The following CORO2B variants were observed in gnomAD, a reference collection of about 807,000 sequenced individuals.
CORO2B encodes coronin 2B.
CORO2B carries 26 observed loss-of-function variants against 58.8 expected under a neutral mutation model. The observed-to-expected ratio is 0.44, with a 90% CI of 0.32 to 0.61. The LOEUF (loss-of-function observed/expected upper bound fraction) is 0.61. Ranked by LOEUF, CORO2B falls within the 20% of genes least tolerant of loss-of-function variation. CORO2B has a pLI of 0.04. For synonymous variants in CORO2B, 242 were observed against 253.8 expected (o/e 0.95, Z 0.44); for missense variants, 460 against 645.1 (o/e 0.71, Z 3.11).
intron 1 of CORO2B, among the ~76,000 whole-genome samples, chr15:68,598,440 T>C (rs1017897939): frequency 2.6e-5 from 4 of 152,172 alleles, no homozygotes; most frequent in Admixed American, 6.5e-5. Context: ...AGTAACCTTC[T>C]GGGGAAAAAA....
the CORO2B span, among the ~76,000 whole-genome samples, chr15:68,529,213 G>A: frequency 4.6e-5 from 7 of 152,258 alleles, no homozygotes; most frequent in South Asian, 1.5e-3. Flanking sequence ...TCAGGAGATA[G>A]TATTTTTTAT....
At chr15:68,568,938 T>C in the CORO2B span, among the ~76,000 whole-genome samples, 1 of 152,130 alleles carries the variant, frequency 6.6e-6, no homozygotes, top group Non-Finnish European at 1.5e-5. Flanking sequence ...CGTTTACCTA[T>C]GTAACAAACC....
intron 3 of CORO2B, among the ~76,000 whole-genome samples, chr15:68,708,100 T>C (rs958832553): frequency 3.3e-5 from 5 of 152,216 alleles, no homozygotes; most frequent in African/African-American, 9.6e-5. Flanking sequence ...ATGGATTTAC[T>C]GAAACTGAGA....
the CORO2B span, among the ~76,000 whole-genome samples, chr15:68,535,394 TA>T: frequency 8.0e-3 from 1,212 of 152,318 alleles, 12 homozygotes; most frequent in African/African-American, 0.028. Context: ...TTTTAATCTA[TA>T]AAATGAGAAT....
chr15:68,603,862 G>A (rs1713891177), intron 1 of CORO2B, among the ~76,000 whole-genome samples: 1 of 152,176 alleles, frequency 6.6e-6, no homozygotes, highest in African/African-American at 2.4e-5. Flanking sequence ...AGCCTGAGCA[G>A]GCTAATACAT....
At chr15:68,586,630 G>A (rs956781208) in intron 1 of CORO2B, among the ~76,000 whole-genome samples, 1 of 152,226 alleles carries the variant, frequency 6.6e-6, no homozygotes, top group African/African-American at 2.4e-5. Flanking sequence ...GCACAGAGAA[G>A]CTAAGTCACC....
intron 2 of CORO2B, among the ~76,000 whole-genome samples, chr15:68,664,569 C>G (rs1371647266): frequency 6.6e-6 from 1 of 152,052 alleles, no homozygotes; most frequent in Non-Finnish European, 1.5e-5. Context: ...ATGGCGTGAA[C>G]CCGGGAGGCA....
At chr15:68,548,908 CAGG>C in the CORO2B span, among the ~76,000 whole-genome samples, 2 of 151,914 alleles carry the variant, frequency 1.3e-5, no homozygotes, top group South Asian at 2.1e-4. Flanking sequence ...TATCGATTGA[CAGG>C]AGTTCTTTAT....
chr15:68,726,418 T>C lies in CORO2B; in HGVS notation c.*444T>C. 1 of 222,560 alleles carries C rather than the reference T, an allele frequency of 4.5e-6. No homozygotes were observed. The highest frequency in any genetic ancestry group is 1.8e-4 in the East Asian group (1 of 5,574). The allele number at this position is 222,560 out of a possible 1,614,324, so 13.8% of individuals were successfully genotyped here. On this transcript the variant is annotated 3_prime_UTR_variant, in exon 12 of 12. Transcript: ENST00000261861. ...ATCACTGAAGGTACCACAGTGTAAG[T>C]GCTGGACTGCAGGCTGCAGTGATCC...
At chr15:68,713,080 TG>T (rs1213092696) in intron 5 of CORO2B, among the ~76,000 whole-genome samples, 10 of 152,008 alleles carry the variant, frequency 6.6e-5, no homozygotes, top group Admixed American at 6.6e-4. Flanking sequence ...GACTGTTGTG[TG>T]TTAGGAGGAA....
chr15:68,636,408 T>A (rs1901033573), intron 1 of CORO2B, among the ~76,000 whole-genome samples: 1 of 152,230 alleles, frequency 6.6e-6, no homozygotes, highest in Non-Finnish European at 1.5e-5. Context: ...TGTCTCTGGC[T>A]GGGCTTGCAT....
the CORO2B span, among the ~76,000 whole-genome samples, chr15:68,538,876 G>A: frequency 1.3e-5 from 2 of 152,166 alleles, no homozygotes; most frequent in Admixed American, 1.3e-4. Flanking sequence ...TTTGATCAGG[G>A]AAGGAGATAT....
chr15:68,582,503 T>C (rs1191555258), intron 1 of CORO2B, among the ~76,000 whole-genome samples: 1 of 152,226 alleles, frequency 6.6e-6, no homozygotes, highest in East Asian at 1.9e-4. Context: ...ATTTTATTCT[T>C]CAGGTTCTTC....
chr15:68,635,631 C>T (rs1156511322), intron 1 of CORO2B, among the ~76,000 whole-genome samples: 2 of 152,212 alleles, frequency 1.3e-5, no homozygotes, highest in African/African-American at 2.4e-5. Flanking sequence ...TCCCTTTCTG[C>T]TCTGACAGGA....
chr15:68,574,872 A>G (rs1435239161), upstream of CORO2B, among the ~76,000 whole-genome samples: 5 of 152,202 alleles, frequency 3.3e-5, no homozygotes, highest in Non-Finnish European at 5.9e-5. Flanking sequence ...CCATGCTGAG[A>G]AAGAGGGCTA....
At chr15:68,586,237 C>T (rs1021455692) in intron 1 of CORO2B, among the ~76,000 whole-genome samples, 7 of 152,106 alleles carry the variant, frequency 4.6e-5, no homozygotes, top group African/African-American at 1.4e-4. Flanking sequence ...AAGCACTTAC[C>T]ATATGCCTGA....
intron 2 of CORO2B, among the ~76,000 whole-genome samples, chr15:68,667,805 G>C (rs1902244227): frequency 6.6e-6 from 1 of 152,224 alleles, no homozygotes; most frequent in Admixed American, 6.5e-5. Context: ...GGAAAGGAAA[G>C]AGACTTCAGA....
At chr15:68,705,389 G>C (rs962794717) in intron 3 of CORO2B, among the ~76,000 whole-genome samples, 4 of 137,190 alleles carry the variant, frequency 2.9e-5, no homozygotes, top group African/African-American at 1.1e-4. Flanking sequence ...AGTAAGCTGA[G>C]ATCACATCAC....
chr15:68,659,557 T>A (rs999867128), intron 2 of CORO2B, among the ~76,000 whole-genome samples: 6 of 151,938 alleles, frequency 3.9e-5, no homozygotes, highest in African/African-American at 1.5e-4. Context: ...TAAAAAAATT[T>A]TTTTGATTAA....
Sources: allele counts gnomAD v4.1 joint callset (sites outside exome capture counted in the v4.1 genomes callset), GRCh38; gene constraint gnomAD v4.1.1; transcripts MANE v1.5; gene names NCBI Gene and HGNC (gene_info 2026-07-23, HGNC 2026-07-21).